Variants in DLG2 observed in about 807,000 individuals in gnomAD.
DLG2 encodes discs large MAGUK scaffold protein 2.
Under a neutral mutation model 132.5 loss-of-function variants are expected in DLG2, and 45 were observed. The ratio of observed to expected loss-of-function variants is 0.34; its 90% CI spans 0.27 to 0.44. DLG2 has a LOEUF of 0.44. DLG2 is among the 20% of genes least tolerant of loss of function. DLG2 has a pLI of 1.00. For synonymous variants in DLG2, 424 were observed against 419.6 expected (o/e 1.01, Z -0.13); for missense variants, 1,045 against 1,196.9 (o/e 0.87, Z 1.87).
chr11:85,373,664 C>T (rs2085166940), intron 3 of DLG2, among the ~76,000 whole-genome samples: 1 of 152,164 alleles, frequency 6.6e-6, no homozygotes, highest in African/African-American at 2.4e-5. Context: ...GCAGGAAGCA[C>T]TCTATCTAGC....
rs768420271 is a variant in DLG2 at position 84,420,650 on chromosome 11, CTTTTTTTTTTTTTTTTTT to C, written c.519+113902_519+113919del. On this transcript the variant is annotated intron_variant, in intron 7 of 27. Coordinates refer to ENST00000376104, the MANE Select transcript of DLG2 (RefSeq NM_001142699.3). ...CAGCACAGTGACCAATGCTTGTTTT[CTTTTTTTTTTTTTTTTTT>C]TTTTTTTTTTTTTTTTTTGAGACGG... 5.2e-4 allele frequency among the ~76,000 whole-genome samples: 22 copies of C among 42,234 alleles called. 1 individual carries two copies. The highest frequency in any genetic ancestry group is 3.3e-3 in the East Asian group (3 of 918). 27.7% of individuals were successfully genotyped at this position (42,234 alleles called of 152,430 possible).
At chr11:84,831,078 C>T (rs1291075414) in intron 6 of DLG2, among the ~76,000 whole-genome samples, 1 of 150,076 alleles carries the variant, frequency 6.7e-6, no homozygotes, top group Non-Finnish European at 1.5e-5. Context: ...AAACTGTTCT[C>T]TCTTTGAGAA....
At chr11:84,727,381 G>A (rs190926490) in intron 6 of DLG2, among the ~76,000 whole-genome samples, 506 of 152,214 alleles carry the variant, frequency 3.3e-3, no homozygotes, top group Non-Finnish European at 5.3e-3. Context: ...TTTGTGTCAG[G>A]TTTGTCAAAG....
chr11:83,757,204 T>G (rs965331741), intron 18 of DLG2, among the ~76,000 whole-genome samples: 1 of 152,210 alleles, frequency 6.6e-6, no homozygotes, highest in African/African-American at 2.4e-5. Flanking sequence ...TTTCCCAAGG[T>G]CAGCAGAGTA....
intron 15 of DLG2, among the ~76,000 whole-genome samples, chr11:83,881,086 T>A (rs185584472): frequency 6.6e-6 from 1 of 152,106 alleles, no homozygotes; most frequent in Admixed American, 6.5e-5. Flanking sequence ...TTTGCACCAA[T>A]CTAATATTTA....
At chr11:85,556,198 C>T (rs139000690) in intron 3 of DLG2, among the ~76,000 whole-genome samples, 4 of 151,804 alleles carry the variant, frequency 2.6e-5, no homozygotes, top group East Asian at 1.9e-4. Flanking sequence ...CTACTCATTG[C>T]GTGTTTACTA....
In DLG2 at chr11:85,250,166, C is replaced by T. The variant is rs1025809411; in HGVS notation, c.186+35054G>A. Among the ~76,000 whole-genome samples the T allele has an allele frequency of 2.6e-5, 4 of 152,246 alleles. No homozygotes were observed. The East Asian group carries it at 5.8e-4, about 22-fold the overall frequency. Reference sequence around the variant, plus strand: ...GGAGTATGGTTCAGCATACGTTTGACGGTTTTAAAGGCACAAAATTCTAAA... The same window carrying T: ...GGAGTATGGTTCAGCATACGTTTGATGGTTTTAAAGGCACAAAATTCTAAA... On this transcript the variant is annotated intron_variant, in intron 4 of 27. Transcript: ENST00000376104.
chr11:84,526,820 C>T (rs1320342404), intron 7 of DLG2, among the ~76,000 whole-genome samples: 3 of 147,672 alleles, frequency 2.0e-5, no homozygotes, highest in African/African-American at 7.5e-5. Flanking sequence ...GCTCTGTCGC[C>T]CAGGCTGGAG....
chr11:85,345,542 CCT>C, intron 3 of DLG2, among the ~76,000 whole-genome samples: 1 of 152,200 alleles, frequency 6.6e-6, no homozygotes, highest in Admixed American at 6.5e-5. Flanking sequence ...ATATCACACA[CCT>C]GGCAGAAATG....
At chr11:85,485,272 C>T (rs1275044219) in intron 3 of DLG2, among the ~76,000 whole-genome samples, 1 of 152,052 alleles carries the variant, frequency 6.6e-6, no homozygotes, top group Non-Finnish European at 1.5e-5. Context: ...TTAGTGGGTG[C>T]AGCGCACCAG....
chr11:85,166,056 T>C (rs2078419770), intron 4 of DLG2, among the ~76,000 whole-genome samples: 1 of 152,136 alleles, frequency 6.6e-6, no homozygotes, highest in Non-Finnish European at 1.5e-5. Context: ...TTAGAATCTT[T>C]TTCTGACTTT....
intron 10 of DLG2, among the ~76,000 whole-genome samples, chr11:84,090,382 C>T (rs2097069775): frequency 7.1e-6 from 1 of 140,744 alleles, no homozygotes; most frequent in African/African-American, 2.7e-5. Flanking sequence ...CCATTGCACT[C>T]CAGCCTGGGT....
At chr11:84,429,128 C>G (rs187980567) in intron 7 of DLG2, among the ~76,000 whole-genome samples, 1 of 152,278 alleles carries the variant, frequency 6.6e-6, no homozygotes, top group East Asian at 1.9e-4. Context: ...ACAGAGTCTC[C>G]TTTACATTCT....
At chr11:84,046,542 A>G (rs892939767) in intron 11 of DLG2, among the ~76,000 whole-genome samples, 2 of 151,558 alleles carry the variant, frequency 1.3e-5, no homozygotes, top group African/African-American at 4.8e-5. Context: ...TGAACAAATC[A>G]TATGTATATA....
At chr11:83,750,457 T>C (rs2093229640) in intron 18 of DLG2, among the ~76,000 whole-genome samples, 1 of 152,198 alleles carries the variant, frequency 6.6e-6, no homozygotes, top group Non-Finnish European at 1.5e-5. Context: ...ACTTTTCGAT[T>C]AGATAATTAT....
At chr11:84,575,588 T>C (rs2099497741) in intron 6 of DLG2, among the ~76,000 whole-genome samples, 1 of 152,204 alleles carries the variant, frequency 6.6e-6, no homozygotes, top group South Asian at 2.1e-4. Flanking sequence ...ATGGGGTACA[T>C]GTGATATTTT....
chr11:84,534,037 A>T (rs1056001606), intron 7 of DLG2, among the ~76,000 whole-genome samples: 6 of 152,176 alleles, frequency 3.9e-5, no homozygotes, highest in Non-Finnish European at 8.8e-5. Flanking sequence ...AATTGTTTAA[A>T]ATTAAATTTT....
chr11:83,941,609 G>A (rs1444510719), intron 14 of DLG2, among the ~76,000 whole-genome samples: 1 of 152,038 alleles, frequency 6.6e-6, no homozygotes, highest in East Asian at 1.9e-4. Context: ...GGCCAGTCTT[G>A]TTTTGAACTC....
chr11:84,549,136 G>T (rs2099396651), intron 6 of DLG2, among the ~76,000 whole-genome samples: 1 of 152,182 alleles, frequency 6.6e-6, no homozygotes, highest in Non-Finnish European at 1.5e-5. Context: ...AAAGGAAGGG[G>T]TTTCCAGCTG....
Sources: allele counts gnomAD v4.1 joint callset (sites outside exome capture counted in the v4.1 genomes callset), GRCh38; gene constraint gnomAD v4.1.1; transcripts MANE v1.5; gene names NCBI Gene and HGNC (gene_info 2026-07-23, HGNC 2026-07-21).